CLTCL1: variants seen among roughly 807,000 people sequenced by gnomAD.
CLTCL1 encodes clathrin heavy chain like 1.
In CLTCL1, 159 loss-of-function variants were observed where a neutral mutation model predicts 190.0. The observed-to-expected ratio is 0.84, with a 90% CI of 0.74 to 0.95. The LOEUF (loss-of-function observed/expected upper bound fraction) is 0.95. Ranked by LOEUF, CLTCL1 falls within the 40% of genes least tolerant of loss-of-function variation. The probability of loss-of-function intolerance (pLI) is 0.00; values close to 1 mark genes in which losing one functional copy is unlikely to be tolerated. For synonymous variants in CLTCL1, 752 were observed against 769.6 expected (o/e 0.98, Z 0.38); for missense variants, 1,878 against 2,033.4 (o/e 0.92, Z 1.47).
chr22:19,230,658 T>C (rs1417939323), intron 10 of CLTCL1, among the ~76,000 whole-genome samples: 1 of 152,180 alleles, frequency 6.6e-6, no homozygotes, highest in Non-Finnish European at 1.5e-5. Flanking sequence ...TTTACTGAAG[T>C]ATATGAAAGG....
At chr22:19,197,466 ACTC>A (rs549060202) in intron 24 of CLTCL1, among the ~76,000 whole-genome samples, 69 of 151,246 alleles carry the variant, frequency 4.6e-4, no homozygotes, top group African/African-American at 1.7e-3. Context: ...AGCTCCGGTG[ACTC>A]CTCATTTCTC....
chr22:19,211,777 A>AC (rs200769002), intron 19 of CLTCL1, among the ~76,000 whole-genome samples: 248 of 150,054 alleles, frequency 1.7e-3, no homozygotes, highest in African/African-American at 5.4e-3. Context: ...AAAAAAAAAA[A>AC]AAAAAACAAA....
intron 22 of CLTCL1, 139 bp from the exon 23 acceptor site, chr22:19,201,632 A>T: frequency 1.0e-6 from 1 of 955,008 alleles, no homozygotes; most frequent in Non-Finnish European, 1.5e-6. Flanking sequence ...ACCAGTGACC[A>T]GATGAAGTTG....
At chr22:19,258,511 C>T in intron 2 of CLTCL1, 1 of 521,550 alleles carries the variant, frequency 1.9e-6, no homozygotes, top group Non-Finnish European at 3.6e-6. Flanking sequence ...GCCTGCTATA[C>T]CACGCAGATG....
At chr22:19,180,159 CTGG>C (rs2146166944) in intron 32 of CLTCL1, 37 bp downstream of exon 32, 1 of 1,590,776 alleles carries the variant, frequency 6.3e-7, no homozygotes, top group Non-Finnish European at 8.6e-7. Context: ...AGAACCTGGC[CTGG>C]CTAGAGGATA....
At position 19,183,599 on chromosome 22, in the gene CLTCL1, G is replaced by GCTGCATGGCATC; in HGVS notation, c.4606_4617dup (p.Asp1536_Gln1539dup). 4 of 1,613,422 alleles carry GCTGCATGGCATC rather than the reference G, an allele frequency of 2.5e-6. No homozygotes were observed. In the African/African-American group the frequency reaches 4.0e-5, roughly 16 times the overall value. On this transcript the variant is annotated inframe_insertion, in exon 30 of 33. Transcript: ENST00000427926. ...TCAGCATCCCGCGACTCTGCAGCAT[G>GCTGCATGGCATC]CTGCATGGCATCCTGCAGCCAAGGC...
chr22:19,222,905 A>G, intron 14 of CLTCL1, 96 bp from the exon 15 acceptor site: 13 of 1,442,948 alleles, frequency 9.0e-6, no homozygotes, highest in Non-Finnish European at 1.1e-5. Flanking sequence ...CTGTCTCTGC[A>G]GCAGAGTGAC....
intron 1 of CLTCL1, among the ~76,000 whole-genome samples, chr22:19,280,971 G>A (rs2087689969): frequency 6.6e-6 from 1 of 151,654 alleles, no homozygotes; most frequent in African/African-American, 2.4e-5. Flanking sequence ...TTCTTAACAG[G>A]TATGGAGCAC....
chr22:19,239,514 C>T lies in CLTCL1; in HGVS notation c.682-126G>A, dbSNP rs1555964163. Reference sequence around the variant, plus strand: ...GATGATTAACGCTAAAAGTCACATTCAACCAAAGCAGAACAACCCCCTTGT... The same window carrying T: ...GATGATTAACGCTAAAAGTCACATTTAACCAAAGCAGAACAACCCCCTTGT... On this transcript the variant is annotated intron_variant, in intron 4 of 32. Transcript: ENST00000427926. 1.4e-5 allele frequency: 10 copies of T among 731,470 alleles called. No individual in the cohort carries two copies. The Admixed American group carries it at 1.6e-4, about 12-fold the overall frequency. 45.3% of individuals were successfully genotyped at this position (731,470 alleles called of 1,614,324 possible). A position where few individuals can be genotyped will look rare whatever the true frequency, so the allele number is the denominator to read the frequency against.
At chr22:19,285,134 A>G (rs1449833363) in intron 1 of CLTCL1, among the ~76,000 whole-genome samples, 4 of 151,286 alleles carry the variant, frequency 2.6e-5, no homozygotes, top group Non-Finnish European at 5.9e-5. Context: ...AATTAGCTGG[A>G]CGTGGTGGTG....
intron 22 of CLTCL1, among the ~76,000 whole-genome samples, chr22:19,205,464 C>T (rs1377377156): frequency 6.6e-6 from 1 of 152,186 alleles, no homozygotes; most frequent in African/African-American, 2.4e-5. Flanking sequence ...GAGCTGAGAT[C>T]GTGCCACTGC....
At position 19,201,358 on chromosome 22, in the gene CLTCL1, T is replaced by TG; in HGVS notation, c.3735dup (p.Lys1246GlnfsTer37). The stretch of plus-strand genomic sequence containing the variant: ...TTCCACGTCCGGGTGCTGCTGGCCT[T>TG]GCGGCTGTTGTCCACTGCTGCCTGA... On this transcript the variant is annotated frameshift_variant, in exon 23 of 33. Coordinates refer to ENST00000427926, the MANE Select transcript of CLTCL1 (RefSeq NM_007098.4). LOFTEE classifies it high-confidence loss of function. 6.2e-7 allele frequency: 1 copy of TG among 1,612,818 alleles called. No homozygotes were observed. The highest frequency in any genetic ancestry group is 8.5e-7 in the Non-Finnish European group (1 of 1,179,720).
intron 19 of CLTCL1, among the ~76,000 whole-genome samples, chr22:19,213,515 C>T (rs573796243): frequency 9.8e-5 from 15 of 152,294 alleles, no homozygotes; most frequent in East Asian, 7.7e-4. Context: ...TAACCTCAAA[C>T]TGAAAACCAC....
At chr22:19,267,375 G>T (rs2087153478) in intron 2 of CLTCL1, among the ~76,000 whole-genome samples, 1 of 152,136 alleles carries the variant, frequency 6.6e-6, no homozygotes, top group Non-Finnish European at 1.5e-5. Flanking sequence ...TGTCAAGATA[G>T]CAATTCTTAC....
In CLTCL1 at chr22:19,261,309, A is replaced by G. The variant is rs543798196; in HGVS notation, c.251-7082T>C. On this transcript the variant is annotated intron_variant, in intron 2 of 32. Coordinates refer to ENST00000427926, the MANE Select transcript of CLTCL1 (RefSeq NM_007098.4). ...GTATTTTTAATAGAGAAGGGGTTTC[A>G]CCGTGTTAGCCAGGATGGTCTCGAC... is the stretch of plus-strand genomic sequence containing the variant. 1.4e-4 allele frequency among the ~76,000 whole-genome samples: 22 copies of G among 152,186 alleles called. No individual in the cohort carries two copies. The South Asian group carries it at 4.6e-3, about 32-fold the overall frequency.
At position 19,196,343 on chromosome 22, in the gene CLTCL1, C is replaced by T. The variant is rs781966797; in HGVS notation, c.4114G>A (p.Asp1372Asn). ...VFLYDKYEEY[D>N]NAVLTMMSHP... is the part of the protein sequence containing the mutation. ...CTCATCATGGTGAGCACAGCATTGT[C>T]ATACTCCTCGTACTTGTCATAGAGG... The change falls in exon 26 of 33, where the codon GAC (aspartate) becomes AAC (asparagine). Residue 1372 changes from aspartate to asparagine, a missense_variant. By Grantham distance (23) the Asp-to-Asn change is conservative. Coordinates refer to ENST00000427926, the MANE Select transcript of CLTCL1 (RefSeq NM_007098.4). The T allele has an allele frequency of 2.5e-6, 4 of 1,614,044 alleles. No individual in the cohort carries two copies. The highest frequency in any genetic ancestry group is 3.4e-6 in the Non-Finnish European group (4 of 1,179,898).
rs782432114 is a variant in CLTCL1 at position 19,220,018 on chromosome 22, C to A, written c.2797-11G>T. On this transcript the variant is annotated splice_polypyrimidine_tract_variant and intron_variant, in intron 17 of 32. Transcript: ENST00000427926. ...ATTCTCATTGCACACCTGAAATGAG[C>A]ACACTCATGTGTGTGACACAGCAGC... 21 of 1,613,760 alleles carry A rather than the reference C, an allele frequency of 1.3e-5. No individual in the cohort carries two copies. The highest frequency in any genetic ancestry group is 8.0e-5 in the African/African-American group (6 of 74,918).
chr22:19,234,746 G>T, intron 6 of CLTCL1, 40 bp from the exon 7 acceptor site: 3 of 1,546,552 alleles, frequency 1.9e-6, no homozygotes, highest in Non-Finnish European at 1.8e-6. Context: ...CGGCCTAGAA[G>T]AGTGCTCCAC....
At chr22:19,225,122 A>G (rs2085698803) in intron 13 of CLTCL1, among the ~76,000 whole-genome samples, 1 of 152,226 alleles carries the variant, frequency 6.6e-6, no homozygotes, top group African/African-American at 2.4e-5. Flanking sequence ...AAGACCAGAC[A>G]TCAGGCCCTT....
Sources: gnomAD v4.1 joint callset for allele counts (sites outside exome capture counted in the v4.1 genomes callset) on GRCh38, gnomAD v4.1.1 for gene constraint, MANE v1.5 for transcripts, NCBI Gene and HGNC (gene_info 2026-07-23, HGNC 2026-07-21) for gene names.